The following IREB2 variants were observed in gnomAD, a reference collection of about 807,000 sequenced individuals.
IREB2 encodes iron responsive element binding protein 2.
IREB2 carries 39 observed loss-of-function variants against 118.8 expected under a neutral mutation model. The observed-to-expected ratio is 0.33, with a 90% CI of 0.25 to 0.43. The LOEUF is 0.43. IREB2 is among the 20% of genes least tolerant of loss of function. The pLI, the probability that IREB2 is intolerant of heterozygous loss-of-function variation, is 1.00. For missense variants in IREB2, 900 were observed against 1,147.3 expected, an observed-to-expected ratio of 0.78 and a Z score of 3.11; for synonymous variants, 372 against 392.2, an observed-to-expected ratio of 0.95 and a Z score of 0.61.
In IREB2 at chr15:78,465,333, G is replaced by T. The variant is rs2051263451; in HGVS notation, c.355G>T (p.Ala119Ser). ...AGGTGATCCTGAGAAAGTCCATCCT[G>T]CTTGTCCGACAGATCTTACAGTTGA... The part of the protein sequence containing the change: ...LGGDPEKVHP[A>S]CPTDLTVDHS... The change falls in exon 4 of 22, where the codon GCT becomes TCT. Residue 119 changes from alanine to serine, a missense_variant. Ala to Ser is a moderately conservative substitution (Grantham distance 99). Coordinates refer to ENST00000258886, the MANE Select transcript of IREB2 (RefSeq NM_004136.4). 1.2e-6 allele frequency: 2 copies of T among 1,613,804 alleles called. No homozygotes were observed. Among genetic ancestry groups the T allele is most frequent in the Non-Finnish European group, 1.7e-6 (2 of 1,179,860 alleles).
chr15:78,498,003 C>A, intron 21 of IREB2, 30 bp from the exon 22 acceptor site: 1 of 1,287,406 alleles, frequency 7.8e-7, no homozygotes, highest in Non-Finnish European at 1.1e-6. Context: ...GATTTACTTG[C>A]TCACATGAGA....
intron 18 of IREB2, among the ~76,000 whole-genome samples, chr15:78,492,455 C>T (rs2051767077): frequency 6.6e-6 from 1 of 152,118 alleles, no homozygotes; most frequent in African/African-American, 2.4e-5. Context: ...AGGGTCAGGA[C>T]CAGCTCATTA....
rs150563344 is a variant in IREB2, at chr15:78,464,631, T to C, written c.273-620T>C. Among the ~76,000 whole-genome samples, 10 of 152,320 alleles carry C rather than the reference T, an allele frequency of 6.6e-5. No individual in the cohort carries two copies. In the East Asian group the frequency reaches 1.9e-3, roughly 29 times the overall value. On this transcript the variant is annotated intron_variant, in intron 3 of 21. Transcript: ENST00000258886. The stretch of plus-strand genomic sequence containing the variant: ...TACAGTCACACTCTGTCACCTAGGC[T>C]GGAGTGTAGTGATGTGATCATAGTT...
chr15:78,487,690 ATGT>A (rs750481761), intron 13 of IREB2, 40 bp from the exon 14 acceptor site: 1 of 1,017,434 alleles, frequency 9.8e-7, no homozygotes, highest in Non-Finnish European at 1.6e-6. Flanking sequence ...TTCTCTATAA[ATGT>A]TGTGATGTGC....
At chr15:78,458,276 G>A (rs369694344) in intron 2 of IREB2, among the ~76,000 whole-genome samples, 1 of 152,120 alleles carries the variant, frequency 6.6e-6, no homozygotes. Flanking sequence ...GAACCCTAAT[G>A]TAAACTGTGG....
intron 2 of IREB2, among the ~76,000 whole-genome samples, chr15:78,448,589 CACTT>C (rs910106899): frequency 6.6e-6 from 1 of 152,204 alleles, no homozygotes; most frequent in Admixed American, 6.5e-5. Context: ...GAGACAGAAA[CACTT>C]ACTTGACTCT....
In IREB2 at chr15:78,488,716, T is replaced by C; in HGVS notation, c.2021T>C (p.Val674Ala). 2 of 1,593,376 alleles carry C rather than the reference T, an allele frequency of 1.3e-6. No individual in the cohort carries two copies. The highest frequency in any genetic ancestry group is 8.6e-7 in the Non-Finnish European group (1 of 1,161,464). Residue 674 changes from valine (V) to alanine (A), a missense_variant, in exon 16 of 22, where the codon GTA becomes GCA. Transcript: ENST00000258886. ...IWPSREEVHR[V>A]EEEHVILSMF... ...CCTAGTCGAGAAGAAGTTCATCGAG[T>C]AGAGGAAGAACATGTTATACTATCC...
intron 2 of IREB2, among the ~76,000 whole-genome samples, chr15:78,460,695 GTTAT>G (rs2051182186): frequency 1.3e-5 from 2 of 152,126 alleles, no homozygotes; most frequent in African/African-American, 2.4e-5. Context: ...CTGTTGGGTT[GTTAT>G]TCTAGGCATT....
intron 2 of IREB2, among the ~76,000 whole-genome samples, chr15:78,443,056 C>T (rs901706110): frequency 3.9e-5 from 6 of 152,144 alleles, no homozygotes; most frequent in South Asian, 2.1e-4. Context: ...CAGTAGACAC[C>T]GGAGACTATG....
At chr15:78,466,989 G>A (rs765549683) in intron 5 of IREB2, among the ~76,000 whole-genome samples, 14 of 109,800 alleles carry the variant, frequency 1.3e-4, no homozygotes, top group Non-Finnish European at 2.1e-4. Flanking sequence ...GGCCAGAGCA[G>A]GTGGATCACT....
At chr15:78,458,129 A>G (rs996480184) in intron 2 of IREB2, among the ~76,000 whole-genome samples, 1 of 152,142 alleles carries the variant, frequency 6.6e-6, no homozygotes, top group African/African-American at 2.4e-5. Flanking sequence ...CAAAGGCCAT[A>G]CCTGTAGTAA....
chr15:78,445,856 C>T (rs943378481), intron 2 of IREB2, among the ~76,000 whole-genome samples: 2 of 152,182 alleles, frequency 1.3e-5, no homozygotes, highest in African/African-American at 4.8e-5. Context: ...TCGATCATGG[C>T]TCACTGCAGC....
intron 10 of IREB2, among the ~76,000 whole-genome samples, chr15:78,479,728 T>A (rs11072767): frequency 8.4e-4 from 128 of 152,210 alleles, no homozygotes; most frequent in African/African-American, 3.0e-3. Context: ...GCAGTCTTAC[T>A]TGTTAGTTTT....
chr15:78,454,445 T>A (rs1325442853), intron 2 of IREB2, among the ~76,000 whole-genome samples: 2 of 152,166 alleles, frequency 1.3e-5, no homozygotes, highest in African/African-American at 4.8e-5. Context: ...ATTTTATGAT[T>A]TCATTCATAT....
chr15:78,484,650 A>G (rs923986545), intron 11 of IREB2, 111 bp from the exon 12 acceptor site: 16 of 729,868 alleles, frequency 2.2e-5, no homozygotes, highest in Non-Finnish European at 3.4e-5. Context: ...CACAAAAAGG[A>G]TTTTTAATGT....
chr15:78,467,559 C>T (rs1029028062), intron 5 of IREB2, among the ~76,000 whole-genome samples: 1 of 151,934 alleles, frequency 6.6e-6, no homozygotes, highest in Non-Finnish European at 1.5e-5. Flanking sequence ...GGCATGGTGG[C>T]AGGAACCTGT....
intron 2 of IREB2, among the ~76,000 whole-genome samples, chr15:78,446,338 A>G (rs1244482954): frequency 6.6e-6 from 1 of 152,074 alleles, no homozygotes; most frequent in Non-Finnish European, 1.5e-5. Flanking sequence ...CCACATTTCA[A>G]CTTTGTTTTT....
intron 15 of IREB2, 134 bp downstream of exon 15, chr15:78,488,470 A>T: frequency 2.0e-6 from 2 of 990,552 alleles, no homozygotes; most frequent in Non-Finnish European, 2.9e-6. Context: ...TATAGTTATT[A>T]ATTTCTGTGT....
At chr15:78,478,107 G>C (rs893753435) in intron 9 of IREB2, among the ~76,000 whole-genome samples, 190 bp from the exon 10 acceptor site, 1 of 151,536 alleles carries the variant, frequency 6.6e-6, no homozygotes, top group Admixed American at 6.6e-5. Flanking sequence ...AAATTAACCA[G>C]GCACGGTGGG....
Sources: allele counts gnomAD v4.1 joint callset (sites outside exome capture counted in the v4.1 genomes callset), GRCh38; gene constraint gnomAD v4.1.1; transcripts MANE v1.5; gene names NCBI Gene and HGNC (gene_info 2026-07-23, HGNC 2026-07-21).